TMTC2: variants seen among roughly 807,000 people sequenced by gnomAD.
TMTC2 encodes protein O-mannosyl-transferase TMTC2.
A neutral mutation model predicts 82.4 loss-of-function variants in TMTC2; 43 were observed. The observed-to-expected ratio is 0.52, with a 90% CI of 0.41 to 0.67. TMTC2 has a LOEUF of 0.67. Among genes scored for constraint, TMTC2 ranks in the 30% least tolerant of loss-of-function variants. TMTC2 has a pLI of 0.00. For missense variants in TMTC2, 919 were observed against 1,012.4 expected (o/e 0.91, Z 1.25); for synonymous variants, 408 against 381.9 (o/e 1.07, Z -0.80).
At chr12:82,728,165 C>T (rs7306509) in intron 1 of TMTC2, among the ~76,000 whole-genome samples, 6,161 of 151,958 alleles carry the variant, frequency 0.041, 234 homozygotes, top group East Asian at 0.12. Flanking sequence ...CCAACAACTG[C>T]TTACTTGGTT....
chr12:82,777,133 T>C (rs1877639984), intron 1 of TMTC2, among the ~76,000 whole-genome samples: 1 of 152,108 alleles, frequency 6.6e-6, no homozygotes. Context: ...GTCACACCCT[T>C]GAATTTGCTA....
intron 11 of TMTC2, among the ~76,000 whole-genome samples, chr12:83,087,564 T>C (rs2137513923): frequency 6.6e-6 from 1 of 152,090 alleles, no homozygotes; most frequent in South Asian, 2.1e-4. Context: ...TTGAAATTGC[T>C]CTTCGATCCA....
rs118088321 is a variant in TMTC2, at chr12:83,077,094, A to G, written c.2331+15263A>G. ...GGGGAGAGAGATTAGGCTCAACTCT[A>G]TAGCAAAGACAGCTGGGAATTTATA... On this transcript the variant is annotated intron_variant, in intron 11 of 11. Transcript: ENST00000321196. 1.6e-3 allele frequency among the ~76,000 whole-genome samples: 250 copies of G among 152,336 alleles called. 4 individuals are homozygous for G. In the East Asian group the frequency reaches 0.039, roughly 24 times the overall value.
At chr12:83,062,549 T>C (rs1174375373) in intron 11 of TMTC2, among the ~76,000 whole-genome samples, 1 of 151,816 alleles carries the variant, frequency 6.6e-6, no homozygotes, top group Non-Finnish European at 1.5e-5. Context: ...CAAGACCATC[T>C]ATTGGGAAAT....
intron 1 of TMTC2, among the ~76,000 whole-genome samples, chr12:82,767,975 A>G (rs76080715): frequency 0.015 from 2,308 of 152,242 alleles, 45 homozygotes; most frequent in African/African-American, 0.053. Context: ...TCCTGAAACA[A>G]TTCGTTTCAA....
At position 82,965,230 on chromosome 12, in the gene TMTC2, A is replaced by C. The variant is rs1878137788; in HGVS notation, c.1684+121A>C. On this transcript the variant is annotated intron_variant, in intron 5 of 11. Coordinates refer to ENST00000321196, the MANE Select transcript of TMTC2 (RefSeq NM_152588.3). The stretch of plus-strand genomic sequence containing the variant: ...TTATTTCTGAATACTCGCTAATCAG[A>C]TTATGAACCTCTAACAATTATATCT... 1.2e-5 allele frequency: 9 copies of C among 723,690 alleles called. No individual in the cohort carries two copies. In the South Asian group the frequency reaches 1.6e-4, roughly 13 times the overall value. 44.8% of individuals were successfully genotyped at this position (723,690 alleles called of 1,614,324 possible).
intron 9 of TMTC2, among the ~76,000 whole-genome samples, chr12:83,049,117 A>AT (rs1353035872): frequency 2.6e-5 from 4 of 151,980 alleles, no homozygotes; most frequent in South Asian, 2.1e-4. Flanking sequence ...TAGCATTTTT[A>AT]TTTTTTTTGT....
At chr12:82,901,983 G>A (rs190675773) in intron 3 of TMTC2, among the ~76,000 whole-genome samples, 1 of 152,154 alleles carries the variant, frequency 6.6e-6, no homozygotes, top group African/African-American at 2.4e-5. Context: ...CCTTCACCAA[G>A]TGTTTCTTCT....
chr12:82,894,150 T>A (rs1873536883), intron 2 of TMTC2, among the ~76,000 whole-genome samples: 1 of 152,166 alleles, frequency 6.6e-6, no homozygotes, highest in Non-Finnish European at 1.5e-5. Context: ...GGAGTTCTAT[T>A]TTGGGTATTT....
Position 82,998,522 on chromosome 12 carries a change from T to C in TMTC2, c.2070+12476T>C, listed in dbSNP as rs1180215374. The stretch of plus-strand genomic sequence containing the variant: ...AGTTTGAAAGAGGAAATTGACTTTA[T>C]TAATTTGTGATCTTAAGCAAATTGT... On this transcript the variant is annotated intron_variant, in intron 8 of 11. Transcript: ENST00000321196. Among the ~76,000 whole-genome samples, 8 of 152,344 alleles carry C rather than the reference T, an allele frequency of 5.3e-5. No homozygotes were observed. The East Asian group carries it at 9.6e-4, about 18-fold the overall frequency.
intron 2 of TMTC2, among the ~76,000 whole-genome samples, chr12:82,873,021 G>A (rs1334627380): frequency 1.3e-5 from 2 of 152,102 alleles, no homozygotes; most frequent in African/African-American, 4.8e-5. Context: ...CCTCATGTCA[G>A]TTCAGGTCAG....
chr12:82,832,903 G>T (rs1869829774), intron 1 of TMTC2, among the ~76,000 whole-genome samples: 1 of 152,174 alleles, frequency 6.6e-6, no homozygotes, highest in Admixed American at 6.5e-5. Context: ...CCAGTTCCCT[G>T]TTGGTCCCAC....
rs185613342 is a variant in TMTC2 at position 82,889,784 on chromosome 12, C to T, written c.655-6034C>T. On this transcript the variant is annotated intron_variant, in intron 2 of 11. Coordinates refer to ENST00000321196, the MANE Select transcript of TMTC2 (RefSeq NM_152588.3). ...GTTGATATTTATGCATATATATAAA[C>T]ATTTATCTCTCTTTGTATTGTATGT... Among the ~76,000 whole-genome samples the T allele has an allele frequency of 4.6e-3, 699 of 152,144 alleles. 1 individual carries two copies. Among genetic ancestry groups the T allele is most frequent in the Admixed American group, 7.5e-3 (114 of 15,278 alleles).
chr12:82,929,800 T>C (rs1156456695), intron 3 of TMTC2, among the ~76,000 whole-genome samples: 1 of 152,126 alleles, frequency 6.6e-6, no homozygotes, highest in Non-Finnish European at 1.5e-5. Context: ...TTACTATTAT[T>C]TGGGGAGAAC....
chr12:83,040,826 A>G (rs1387186774), intron 9 of TMTC2, among the ~76,000 whole-genome samples: 1 of 151,828 alleles, frequency 6.6e-6, no homozygotes, highest in Non-Finnish European at 1.5e-5. Context: ...CTGGGACTAC[A>G]GGTGCCCGCC....
intron 9 of TMTC2, among the ~76,000 whole-genome samples, chr12:83,033,810 ATGTGTGTG>A (rs71977642): frequency 5.6e-4 from 82 of 147,688 alleles, no homozygotes; most frequent in African/African-American, 1.8e-3. Context: ...ATACACATAT[ATGTGTGTG>A]TGTGTGTGTG....
At chr12:82,740,692 G>A (rs561221773) in intron 1 of TMTC2, among the ~76,000 whole-genome samples, 1 of 152,036 alleles carries the variant, frequency 6.6e-6, no homozygotes, top group African/African-American at 2.4e-5. Flanking sequence ...TGGTTTTTTG[G>A]TTGTCTGTGC....
At chr12:82,760,850 C>T in intron 1 of TMTC2, 1 of 414,582 alleles carries the variant, frequency 2.4e-6, no homozygotes, top group South Asian at 1.6e-5. Flanking sequence ...GATCATCTGT[C>T]ATTGTCTCCC....
chr12:82,803,933 T>C (rs1879128154), intron 1 of TMTC2, among the ~76,000 whole-genome samples: 1 of 152,068 alleles, frequency 6.6e-6, no homozygotes, highest in Non-Finnish European at 1.5e-5. Context: ...CCTCGGTGTC[T>C]TTTTCTGCCT....
Sources: gnomAD v4.1 joint callset for allele counts (sites outside exome capture counted in the v4.1 genomes callset) on GRCh38, gnomAD v4.1.1 for gene constraint, MANE v1.5 for transcripts, NCBI Gene and HGNC (gene_info 2026-07-23, HGNC 2026-07-21) for gene names.